CPNE8: variants seen among roughly 807,000 people sequenced by gnomAD.
CPNE8 encodes copine-8.
Under a neutral mutation model 81.5 loss-of-function variants are expected in CPNE8, and 45 were observed. The observed-to-expected ratio is 0.55, with a 90% CI of 0.44 to 0.71. The LOEUF (loss-of-function observed/expected upper bound fraction) is 0.71. Ranked by LOEUF, CPNE8 falls within the 30% of genes least tolerant of loss-of-function variation. The probability of loss-of-function intolerance (pLI) is 0.00; values close to 1 mark genes in which losing one functional copy is unlikely to be tolerated. For missense variants in CPNE8, 594 were observed against 672.1 expected (o/e 0.88, Z 1.28); for synonymous variants, 252 against 226.3 (o/e 1.11, Z -1.02).
At chr12:38,812,415 A>C (rs1166362599) in intron 6 of CPNE8, among the ~76,000 whole-genome samples, 1 of 152,214 alleles carries the variant, frequency 6.6e-6, no homozygotes, top group Non-Finnish European at 1.5e-5. Context: ...TCATGGCAGA[A>C]GGGGAAGCAA....
At chr12:38,754,814 T>G (rs1941425125) in intron 10 of CPNE8, among the ~76,000 whole-genome samples, 1 of 152,084 alleles carries the variant, frequency 6.6e-6, no homozygotes, top group Non-Finnish European at 1.5e-5. Context: ...ATTTTAAGTC[T>G]GAAAGAAGTG....
At chr12:38,728,869 G>C (rs922381114) in intron 11 of CPNE8, among the ~76,000 whole-genome samples, 34 of 152,102 alleles carry the variant, frequency 2.2e-4, no homozygotes, top group African/African-American at 8.2e-4. Flanking sequence ...TCTTCAGACT[G>C]ATCTCTTCTT....
intron 1 of CPNE8, among the ~76,000 whole-genome samples, chr12:38,900,111 T>C (rs1450380012): frequency 6.6e-6 from 1 of 152,196 alleles, no homozygotes; most frequent in Non-Finnish European, 1.5e-5. Context: ...GACTTACAAA[T>C]TTCTGTTCCC....
At chr12:38,828,868 A>G (rs1943240972) in intron 6 of CPNE8, among the ~76,000 whole-genome samples, 1 of 152,176 alleles carries the variant, frequency 6.6e-6, no homozygotes, top group Admixed American at 6.6e-5. Flanking sequence ...TTGACATGAA[A>G]ACTAAACATG....
intron 14 of CPNE8, among the ~76,000 whole-genome samples, chr12:38,699,975 T>C (rs1025386065): frequency 6.6e-6 from 1 of 152,164 alleles, no homozygotes; most frequent in Non-Finnish European, 1.5e-5. Flanking sequence ...GTGGATTCTT[T>C]AGGATATCCT....
chr12:38,813,504 T>G (rs1289160932), intron 6 of CPNE8, among the ~76,000 whole-genome samples: 3 of 152,208 alleles, frequency 2.0e-5, no homozygotes, highest in Non-Finnish European at 2.9e-5. Context: ...AATTCAATTT[T>G]GGGGCTTATT....
intron 6 of CPNE8, among the ~76,000 whole-genome samples, chr12:38,817,990 C>G (rs1270214099): frequency 1.3e-5 from 2 of 152,022 alleles, no homozygotes; most frequent in African/African-American, 4.8e-5. Flanking sequence ...AGCCAAACAC[C>G]CTGTATTTGA....
intron 1 of CPNE8, among the ~76,000 whole-genome samples, chr12:38,893,425 C>T (rs932950538): frequency 1.5e-5 from 2 of 130,354 alleles, no homozygotes; most frequent in African/African-American, 5.7e-5. Context: ...CCACCAGCGC[C>T]ATCACAGTTT....
At chr12:38,661,181 C>T (rs1208648700) in intron 19 of CPNE8, among the ~76,000 whole-genome samples, 1 of 152,134 alleles carries the variant, frequency 6.6e-6, no homozygotes, top group Non-Finnish European at 1.5e-5. Context: ...TGGCACTATT[C>T]ACAATAGCAA....
Position 38,837,727 on chromosome 12 carries a change from T to C in CPNE8, c.330+2189A>G, listed in dbSNP as rs548349849. ...ATTTGGAACAGAGAGAGAGAGATTA[T>C]GAGGTAAAGAGTGAAGAGAAGACAT... On this transcript the variant is annotated intron_variant, in intron 5 of 19. Coordinates refer to ENST00000331366, the MANE Select transcript of CPNE8 (RefSeq NM_153634.3). Among the ~76,000 whole-genome samples, 5 of 152,074 alleles carry C rather than the reference T, an allele frequency of 3.3e-5. No homozygotes were observed. In the East Asian group the frequency reaches 9.7e-4, roughly 29 times the overall value.
intron 15 of CPNE8, among the ~76,000 whole-genome samples, chr12:38,692,423 A>G (rs1939697726): frequency 6.6e-6 from 1 of 152,200 alleles, no homozygotes; most frequent in Non-Finnish European, 1.5e-5. Flanking sequence ...TGGATTTTAA[A>G]ATATTTATAT....
chr12:38,815,298 C>G (rs1274517677), intron 6 of CPNE8, among the ~76,000 whole-genome samples: 1 of 152,156 alleles, frequency 6.6e-6, no homozygotes, highest in African/African-American at 2.4e-5. Context: ...AGCACTTACC[C>G]TTTCCTCTTC....
intron 10 of CPNE8, among the ~76,000 whole-genome samples, chr12:38,737,062 C>T (rs1940972409): frequency 6.6e-6 from 1 of 151,850 alleles, no homozygotes; most frequent in South Asian, 2.1e-4. Context: ...ACTCAGTGTC[C>T]TGTTTCAAGT....
rs181003539 is a variant in CPNE8, at chr12:38,693,181, T to A, written c.1143+476A>T. 4.6e-4 allele frequency among the ~76,000 whole-genome samples: 70 copies of A among 152,130 alleles called. 1 individual carries two copies. Among genetic ancestry groups the A allele is most frequent in the African/African-American group, 1.6e-3 (67 of 41,514 alleles). ...CCCAGAAGACATAACATGGAGAAGA[T>A]CTAAGGAATTCAAAAGACAGCCAGA... On this transcript the variant is annotated intron_variant, in intron 15 of 19. Transcript: ENST00000331366.
At chr12:38,682,623 C>T (rs989335988) in intron 16 of CPNE8, among the ~76,000 whole-genome samples, 3 of 152,170 alleles carry the variant, frequency 2.0e-5, no homozygotes, top group Non-Finnish European at 4.4e-5. Context: ...ATCCAAAGTA[C>T]TGTGGCTTTT....
intron 6 of CPNE8, among the ~76,000 whole-genome samples, chr12:38,799,435 C>G (rs1233518639): frequency 6.6e-6 from 1 of 152,068 alleles, no homozygotes; most frequent in Non-Finnish European, 1.5e-5. Flanking sequence ...ACAACCTGCT[C>G]CTGAATGACT....
intron 10 of CPNE8, among the ~76,000 whole-genome samples, chr12:38,752,226 A>T (rs1168661338): frequency 6.6e-6 from 1 of 152,186 alleles, no homozygotes; most frequent in Non-Finnish European, 1.5e-5. Context: ...GATTTAGTGG[A>T]TGACAGCAAG....
At position 38,897,321 on chromosome 12, in the gene CPNE8, T is replaced by C. The variant is rs535057797; in HGVS notation, c.98+8116A>G. Among the ~76,000 whole-genome samples the C allele has an allele frequency of 2.6e-5, 4 of 152,204 alleles. No individual in the cohort carries two copies. The East Asian group carries it at 7.7e-4, about 29-fold the overall frequency. On this transcript the variant is annotated intron_variant, in intron 1 of 19. Coordinates refer to ENST00000331366, the MANE Select transcript of CPNE8 (RefSeq NM_153634.3). ...AGCTACCAAAATCCCTTTGAGAAGA[T>C]AGCTTATTAATCATTTCAGTTCTAG...
rs1339909631 is a variant in CPNE8 at position 38,653,759 on chromosome 12, C to T, written c.*123G>A. The T allele has an allele frequency of 7.4e-7, 1 of 1,355,800 alleles. No individual in the cohort carries two copies. Among genetic ancestry groups the T allele is most frequent in the Non-Finnish European group, 9.6e-7 (1 of 1,043,918 alleles). 84.0% of individuals were successfully genotyped at this position (1,355,800 alleles called of 1,614,324 possible). A position where few individuals can be genotyped will look rare whatever the true frequency, so the allele number is the denominator to read the frequency against. ...ATTTAAATTTGGATCCAAGAAAGCA[C>T]ATTAACTGCTGAAACCAAACTGAGA... On this transcript the variant is annotated 3_prime_UTR_variant, in exon 20 of 20. Transcript: ENST00000331366.
Sources: gnomAD v4.1 joint callset for allele counts (sites outside exome capture counted in the v4.1 genomes callset) on GRCh38, gnomAD v4.1.1 for gene constraint, MANE v1.5 for transcripts, NCBI Gene and HGNC (gene_info 2026-07-23, HGNC 2026-07-21) for gene names.